DENND1A: variants seen among roughly 807,000 people sequenced by gnomAD.
The protein encoded by DENND1A is DENN domain-containing protein 1A.
Under a neutral mutation model 113.7 loss-of-function variants are expected in DENND1A, and 51 were observed. The ratio of observed to expected loss-of-function variants is 0.45; its 90% CI spans 0.36 to 0.57. The LOEUF is 0.57. Ranked by LOEUF, DENND1A falls within the 20% of genes least tolerant of loss-of-function variation. The pLI, the probability that DENND1A is intolerant of heterozygous loss-of-function variation, is 0.00. For missense variants in DENND1A, 1,258 were observed against 1,395.9 expected (o/e 0.90, Z 1.57); for synonymous variants, 565 against 570.8 (o/e 0.99, Z 0.14).
At chr9:123,696,349 A>G (rs1431636247) in intron 5 of DENND1A, among the ~76,000 whole-genome samples, 1 of 152,226 alleles carries the variant, frequency 6.6e-6, no homozygotes, top group African/African-American at 2.4e-5. Context: ...AAGGTGTCTC[A>G]ACTTTTTTCT....
chr9:123,417,048 A>G (rs1002466101), intron 19 of DENND1A, among the ~76,000 whole-genome samples: 2 of 152,394 alleles, frequency 1.3e-5, no homozygotes, highest in East Asian at 1.9e-4. Flanking sequence ...TGACTTCAGT[A>G]TTGGTTCTGC....
At chr9:123,561,773 G>T (rs892245576) in intron 12 of DENND1A, among the ~76,000 whole-genome samples, 1 of 152,070 alleles carries the variant, frequency 6.6e-6, no homozygotes. Context: ...TGTCTAAGAC[G>T]CCCTTTCCCC....
intron 18 of DENND1A, among the ~76,000 whole-genome samples, chr9:123,446,926 A>C (rs2047351333): frequency 6.6e-6 from 1 of 152,194 alleles, no homozygotes; most frequent in Admixed American, 6.5e-5. Context: ...AAAAGAGAAA[A>C]ATTTCAGGGG....
intron 5 of DENND1A, among the ~76,000 whole-genome samples, chr9:123,745,700 G>A (rs533714314): frequency 6.6e-5 from 10 of 152,302 alleles, no homozygotes; most frequent in African/African-American, 1.9e-4. Flanking sequence ...GTTCATAAAA[G>A]TCACACGCTA....
At chr9:123,512,547 T>C (rs1312257078) in intron 13 of DENND1A, among the ~76,000 whole-genome samples, 1 of 152,170 alleles carries the variant, frequency 6.6e-6, no homozygotes, top group Non-Finnish European at 1.5e-5. Flanking sequence ...CGCGGCACTT[T>C]TCAGTGCTCC....
At chr9:123,891,411 T>C (rs1176791396) in intron 1 of DENND1A, among the ~76,000 whole-genome samples, 1 of 152,240 alleles carries the variant, frequency 6.6e-6, no homozygotes, top group East Asian at 1.9e-4. Flanking sequence ...GTTCTACCAC[T>C]GAAGACTGAT....
intron 11 of DENND1A, among the ~76,000 whole-genome samples, chr9:123,602,838 T>TTTGTTG (rs948883222): frequency 6.6e-6 from 1 of 152,136 alleles, no homozygotes; most frequent in Non-Finnish European, 1.5e-5. Flanking sequence ...CCTGGCTAGT[T>TTTGTTG]TTGTTGTTGT....
chr9:123,437,632 A>G (rs1301891122), intron 19 of DENND1A: 2 of 152,192 alleles, frequency 1.3e-5, no homozygotes, highest in Non-Finnish European at 2.9e-5. Flanking sequence ...CAGACATATC[A>G]CATGGCTGCA....
intron 13 of DENND1A, among the ~76,000 whole-genome samples, chr9:123,495,969 T>C (rs1057211408): frequency 1.3e-5 from 2 of 152,262 alleles, no homozygotes; most frequent in South Asian, 4.1e-4. Context: ...ATGTCCTGAA[T>C]GCATATCTGT....
chr9:123,824,580 T>C (rs374055521), intron 2 of DENND1A, among the ~76,000 whole-genome samples: 2 of 152,176 alleles, frequency 1.3e-5, no homozygotes, highest in East Asian at 3.9e-4. Context: ...GCTTCAAAAC[T>C]GAGAAAGCCA....
chr9:123,880,643 C>T (rs920657596), intron 1 of DENND1A, among the ~76,000 whole-genome samples: 16 of 152,142 alleles, frequency 1.1e-4, no homozygotes, highest in Admixed American at 5.9e-4. Context: ...CTCATTTCAT[C>T]GTCATCATAA....
At position 123,450,708 on chromosome 9, in the gene DENND1A, GT is replaced by G; in HGVS notation, c.1340del (p.Asn447ThrfsTer3). The G allele has an allele frequency of 6.2e-7, 1 of 1,610,038 alleles. No homozygotes were observed. On this transcript the variant is annotated frameshift_variant, in exon 18 of 24. Coordinates refer to ENST00000394215, the MANE Select transcript of DENND1A (RefSeq NM_001352964.2). LOFTEE classifies it high-confidence loss of function. Reference protein sequence around the residue: ...HAKMGIKEVKNRLKQKDIAEN... With the variant: ...HAKMGIKEVKXRLKQKDIAEN... ...CTTCAAGTACCTTTTGCTTCAAGCG[GT>G]TTTTCACCTCTTTTATTCCCATTTT...
chr9:123,922,169 A>G (rs1856383292), intron 1 of DENND1A, among the ~76,000 whole-genome samples: 1 of 152,070 alleles, frequency 6.6e-6, no homozygotes, highest in South Asian at 2.1e-4. Flanking sequence ...CCTGGACTCA[A>G]GCCATCCACC....
chr9:123,619,236 C>T (rs1015408381), intron 10 of DENND1A, among the ~76,000 whole-genome samples: 2 of 152,136 alleles, frequency 1.3e-5, no homozygotes, highest in East Asian at 3.8e-4. Context: ...CATGAGCCAC[C>T]GCACCCAGCC....
intron 5 of DENND1A, among the ~76,000 whole-genome samples, chr9:123,739,204 A>G (rs1313982673): frequency 6.6e-6 from 1 of 152,154 alleles, no homozygotes; most frequent in Non-Finnish European, 1.5e-5. Context: ...TTCAGGGCTG[A>G]CTTATGAGTT....
intron 5 of DENND1A, among the ~76,000 whole-genome samples, chr9:123,685,761 A>G (rs2064769643): frequency 6.6e-6 from 1 of 152,274 alleles, no homozygotes; most frequent in South Asian, 2.1e-4. Context: ...GTAATTCTCA[A>G]TATTTTCCAT....
Position 123,545,450 on chromosome 9 carries a change from A to C in DENND1A, c.993+12120T>G, listed in dbSNP as rs2056599538. 3.9e-5 allele frequency among the ~76,000 whole-genome samples: 6 copies of C among 151,926 alleles called. No homozygotes were observed. In the South Asian group the frequency reaches 1.2e-3, roughly 32 times the overall value. On this transcript the variant is annotated intron_variant, in intron 13 of 23. Coordinates refer to ENST00000394215, the MANE Select transcript of DENND1A (RefSeq NM_001352964.2). ...ATCAACTGTGTGCTGGGGGCATAGG[A>C]ATAAGATCTCCTGTCTCCTGTTCTT...
At chr9:123,855,853 C>T (rs557658736) in intron 2 of DENND1A, among the ~76,000 whole-genome samples, 59 of 152,148 alleles carry the variant, frequency 3.9e-4, no homozygotes, top group African/African-American at 1.3e-3. Flanking sequence ...GCCTGACCAA[C>T]ATGGAGAAAC....
At chr9:123,874,349 C>T (rs1456419832) in intron 2 of DENND1A, among the ~76,000 whole-genome samples, 1 of 151,894 alleles carries the variant, frequency 6.6e-6, no homozygotes, top group Non-Finnish European at 1.5e-5. Context: ...ACACATATAA[C>T]CAGATAATTA....
Sources: gnomAD v4.1 joint callset for allele counts (sites outside exome capture counted in the v4.1 genomes callset) on GRCh38, gnomAD v4.1.1 for gene constraint, MANE v1.5 for transcripts, NCBI Gene and HGNC (gene_info 2026-07-23, HGNC 2026-07-21) for gene names.